PRKG1: variants seen among roughly 807,000 people sequenced by gnomAD.
PRKG1 encodes the protein protein kinase cGMP-dependent 1, also known as cGMP-dependent protein kinase 1.
PRKG1 carries 35 observed loss-of-function variants against 88.1 expected under a neutral mutation model. The ratio of observed to expected loss-of-function variants is 0.40; its 90% confidence interval spans 0.30 to 0.53. PRKG1 has a LOEUF of 0.53. PRKG1 is among the 20% of genes least tolerant of loss of function. PRKG1 has a pLI of 0.59. For missense variants in PRKG1, 540 were observed against 839.8 expected, an observed-to-expected ratio of 0.64 and a Z score of 4.41; for synonymous variants, 303 against 292.5, an observed-to-expected ratio of 1.04 and a Z score of -0.37.
At chr10:52,064,824 C>G (rs1427157707) in intron 7 of PRKG1, among the ~76,000 whole-genome samples, 1 of 152,202 alleles carries the variant, frequency 6.6e-6, no homozygotes, top group Non-Finnish European at 1.5e-5. Context: ...CCCTGCTGCA[C>G]CCAGTGTGAT....
chr10:52,293,882 A>T lies in PRKG1; in HGVS notation c.2043A>T (p.Gly681=), dbSNP rs146785168. 1.9e-5 allele frequency: 31 copies of T among 1,610,932 alleles called. No homozygotes were observed. In the African/African-American group the frequency reaches 4.0e-4, roughly 21 times the overall value. Residue 681 remains glycine (G), a synonymous_variant, in exon 18 of 18, where the codon GGA becomes GGT. Transcript: ENST00000373980. ...NDEPPPDDNS[G]WDIDF ...AACCACCACCTGATGACAACTCAGG[A>T]TGGGATATAGACTTCTAATGTATTT...
At chr10:52,194,830 A>G (rs376886080) in intron 9 of PRKG1, among the ~76,000 whole-genome samples, 8 of 152,198 alleles carry the variant, frequency 5.3e-5, no homozygotes, top group African/African-American at 1.9e-4. Context: ...ATGTAGCACA[A>G]TTAACTGTCC....
intron 2 of PRKG1, among the ~76,000 whole-genome samples, chr10:51,288,053 T>C (rs1034871644): frequency 1.3e-5 from 2 of 152,100 alleles, no homozygotes; most frequent in Non-Finnish European, 2.9e-5. Context: ...ATCTGTTCTT[T>C]TTTATTTCAA....
chr10:51,399,845 T>C (rs923932157), intron 2 of PRKG1, among the ~76,000 whole-genome samples: 3 of 152,094 alleles, frequency 2.0e-5, no homozygotes, highest in Admixed American at 6.6e-5. Flanking sequence ...TCTGAATCCA[T>C]TGGTGTCAGC....
At chr10:52,222,911 A>G (rs201190426) in intron 9 of PRKG1, among the ~76,000 whole-genome samples, 1 of 152,124 alleles carries the variant, frequency 6.6e-6, no homozygotes, top group African/African-American at 2.4e-5. Flanking sequence ...CCTGTCCTAT[A>G]GGCTAACCCA....
chr10:51,349,300 G>C (rs1842184300), intron 2 of PRKG1, among the ~76,000 whole-genome samples: 1 of 152,092 alleles, frequency 6.6e-6, no homozygotes, highest in Non-Finnish European at 1.5e-5. Context: ...GTCAAGGTGA[G>C]AGTTTAGAAC....
chr10:51,262,344 C>T (rs951404618), intron 2 of PRKG1, among the ~76,000 whole-genome samples: 7 of 152,168 alleles, frequency 4.6e-5, no homozygotes, highest in African/African-American at 1.7e-4. Flanking sequence ...CCGAGGATCA[C>T]CGATCATCAA....
intron 9 of PRKG1, among the ~76,000 whole-genome samples, chr10:52,200,806 A>G (rs1017240831): frequency 3.3e-5 from 5 of 152,120 alleles, no homozygotes; most frequent in African/African-American, 1.2e-4. Context: ...TCTAATAATT[A>G]ATGATGTTGA....
intron 4 of PRKG1, among the ~76,000 whole-genome samples, chr10:51,900,765 T>C (rs1023671405): frequency 2.0e-5 from 3 of 152,122 alleles, no homozygotes; most frequent in African/African-American, 7.2e-5. Context: ...CCAAAACCCA[T>C]ATTTTTTTTA....
chr10:52,281,282 A>G (rs189751602), intron 13 of PRKG1, among the ~76,000 whole-genome samples: 50 of 152,276 alleles, frequency 3.3e-4, no homozygotes, highest in Admixed American at 3.3e-3. Context: ...ACCATAAATC[A>G]TTTTAATATT....
intron 2 of PRKG1, among the ~76,000 whole-genome samples, chr10:51,173,548 A>C (rs1261442757): frequency 6.6e-6 from 1 of 151,870 alleles, no homozygotes; most frequent in Non-Finnish European, 1.5e-5. Flanking sequence ...CTCAAGAGAT[A>C]ATTTATTGAG....
chr10:51,222,069 G>A (rs1312622751), intron 2 of PRKG1, among the ~76,000 whole-genome samples: 1 of 151,286 alleles, frequency 6.6e-6, no homozygotes, highest in Non-Finnish European at 1.5e-5. Context: ...TAGACACGGG[G>A]TTTCACCACT....
intron 2 of PRKG1, among the ~76,000 whole-genome samples, chr10:51,212,210 T>TG (rs1444182949): frequency 6.6e-6 from 1 of 151,672 alleles, no homozygotes; most frequent in Non-Finnish European, 1.5e-5. Context: ...AAACAAGCAA[T>TG]GGGGAAAGGA....
At chr10:51,785,376 G>A (rs941786467) in intron 3 of PRKG1, among the ~76,000 whole-genome samples, 3 of 151,802 alleles carry the variant, frequency 2.0e-5, no homozygotes, top group Non-Finnish European at 2.9e-5. Flanking sequence ...CTGTTTCCTG[G>A]TTGGAATAAC....
At chr10:52,045,504 G>T (rs1845843706) in intron 5 of PRKG1, among the ~76,000 whole-genome samples, 1 of 152,074 alleles carries the variant, frequency 6.6e-6, no homozygotes, top group African/African-American at 2.4e-5. Flanking sequence ...GTTTCATCCA[G>T]GGTTGTTATG....
chr10:51,997,150 T>C (rs1844467506), intron 5 of PRKG1, among the ~76,000 whole-genome samples: 1 of 151,978 alleles, frequency 6.6e-6, no homozygotes, highest in Admixed American at 6.6e-5. Context: ...GGAAAGATGT[T>C]GGTCAATGGA....
chr10:51,895,629 A>C (rs140618997), intron 4 of PRKG1, among the ~76,000 whole-genome samples: 1 of 152,132 alleles, frequency 6.6e-6, no homozygotes, highest in Non-Finnish European at 1.5e-5. Flanking sequence ...TTCAAATATA[A>C]ATTGTTAAAA....
intron 2 of PRKG1, among the ~76,000 whole-genome samples, chr10:51,270,282 T>C (rs1475169250): frequency 6.6e-6 from 1 of 152,202 alleles, no homozygotes; most frequent in Non-Finnish European, 1.5e-5. Context: ...GTTAGCCTAT[T>C]TAATGGCAAA....
chr10:52,155,757 G>A (rs1398999207), intron 8 of PRKG1, among the ~76,000 whole-genome samples: 8 of 40,694 alleles, frequency 2.0e-4, no homozygotes, highest in Non-Finnish European at 3.1e-4. Context: ...ACACACACAC[G>A]TAATTTTAAA....
Sources: allele counts gnomAD v4.1 joint callset (sites outside exome capture counted in the v4.1 genomes callset), GRCh38; gene constraint gnomAD v4.1.1; transcripts MANE v1.5; gene names NCBI Gene and HGNC (gene_info 2026-07-23, HGNC 2026-07-21).